The following PMPCB variants were observed in gnomAD, a reference collection of about 807,000 sequenced individuals.
The protein encoded by PMPCB is peptidase, mitochondrial processing subunit beta.
PMPCB carries 46 observed loss-of-function variants against 61.5 expected under a neutral mutation model. That is an observed-to-expected ratio of 0.75 (90% confidence interval 0.59 to 0.96). PMPCB has a LOEUF of 0.96. Among genes scored for constraint, PMPCB ranks in the 40% least tolerant of loss-of-function variants. The pLI is 0.00. For synonymous variants in PMPCB, 191 were observed against 201.6 expected (o/e 0.95, Z 0.44); for missense variants, 590 against 602.4 (o/e 0.98, Z 0.22).
downstream of PMPCB, chr7:103,319,511 T>A: frequency 9.1e-7 from 1 of 1,101,766 alleles, no homozygotes; most frequent in Admixed American, 2.1e-5. Context: ...AGAAATCAGA[T>A]ACTCCCTGCA....
chr7:103,306,013 T>A (rs1586044817), intron 6 of PMPCB, among the ~76,000 whole-genome samples: 1 of 152,208 alleles, frequency 6.6e-6, no homozygotes. Flanking sequence ...GTTTAATGGC[T>A]TATAGATTAA....
At chr7:103,304,613 G>A (rs939556198) in intron 6 of PMPCB, 123 bp downstream of exon 6, 14 of 709,226 alleles carry the variant, frequency 2.0e-5, no homozygotes, top group Non-Finnish European at 3.6e-5. Flanking sequence ...AACTGATAGT[G>A]TGTAAGGGGA....
intron 9 of PMPCB, 37 bp from the exon 10 acceptor site, chr7:103,311,606 C>G (rs934551082): frequency 1.3e-6 from 2 of 1,488,572 alleles, no homozygotes; most frequent in Non-Finnish European, 1.9e-6. Context: ...TGAAATACAA[C>G]ATTTTCCAAC....
In PMPCB at chr7:103,312,638, A is replaced by G. The variant is rs779657300; in HGVS notation, c.*367A>G. The G allele has an allele frequency of 6.2e-7, 1 of 1,613,180 alleles. No homozygotes were observed. The highest frequency in any genetic ancestry group is 1.1e-5 in the South Asian group (1 of 90,834). The stretch of plus-strand genomic sequence containing the variant: ...CTTTCTTTGCTTTTACCATCTCGAC[A>G]AGTTCCTAGGAAGGGAGAAAGGTGT... On this transcript the variant is annotated 3_prime_UTR_variant, in exon 13 of 13. Coordinates refer to ENST00000249269, the MANE Select transcript of PMPCB (RefSeq NM_004279.3).
chr7:103,305,904 T>G (rs2115668831), intron 6 of PMPCB, among the ~76,000 whole-genome samples: 1 of 152,332 alleles, frequency 6.6e-6, no homozygotes, highest in South Asian at 2.1e-4. Flanking sequence ...AACCAAGCTT[T>G]CTGGGACCTC....
downstream of PMPCB, chr7:103,317,077 C>G: frequency 7.0e-7 from 1 of 1,430,680 alleles, no homozygotes; most frequent in Non-Finnish European, 9.6e-7. Context: ...ACACTCTCTT[C>G]CTGGCTAGGG....
Position 103,309,079 on chromosome 7 carries a change from C to G in PMPCB, c.977C>G (p.Ser326Cys). The G allele has an allele frequency of 6.2e-7, 1 of 1,602,604 alleles. No individual in the cohort carries two copies. Among genetic ancestry groups the G allele is most frequent in the Non-Finnish European group, 8.5e-7 (1 of 1,174,558 alleles). Reference sequence around the variant, plus strand: ...ACGCTGATTGGCAACTGGGATCGCTCTTTTGGGGGAGGAATGGTAAGTGAT... The same window carrying G: ...ACGCTGATTGGCAACTGGGATCGCTGTTTTGGGGGAGGAATGGTAAGTGAT... ...ANTLIGNWDR[S>C]FGGGMNLSSK... Residue 326 changes from serine to cysteine, a missense_variant, in exon 8 of 13, where the codon TCT becomes TGT. By Grantham distance (112) the Ser-to-Cys change is moderately radical. Transcript: ENST00000249269.
intron 1 of PMPCB, chr7:103,297,900 T>G: frequency 7.4e-7 from 1 of 1,345,514 alleles, no homozygotes; most frequent in Non-Finnish European, 9.7e-7. Flanking sequence ...TATTTTTGCC[T>G]AAGACTGAAC....
At position 103,327,529 on chromosome 7, in the gene PMPCB, T is replaced by A. The variant is rs191990151; in HGVS notation, c.*1432-1402T>A. On this transcript the variant is annotated intron_variant and NMD_transcript_variant, in intron 12 of 12. Transcript: ENST00000444457. ...GGTGATGATTAGAAAGAACTTGATATAACTAAAATGTTTTAAAATGTCAAA... is the reference window on the plus strand; with the variant it reads ...GGTGATGATTAGAAAGAACTTGATAAAACTAAAATGTTTTAAAATGTCAAA... 1,665 of 733,868 alleles carry A rather than the reference T, an allele frequency of 2.3e-3. 22 individuals carry two copies. In the African/African-American group the frequency reaches 0.026, roughly 11 times the overall value. The allele number at this position is 733,868 out of a possible 1,614,324, so 45.5% of individuals were successfully genotyped here. A position where few individuals can be genotyped will look rare whatever the true frequency, so the allele number is the denominator to read the frequency against.
intron 6 of PMPCB, among the ~76,000 whole-genome samples, chr7:103,306,714 G>A (rs1401159025): frequency 6.6e-6 from 1 of 151,962 alleles, no homozygotes. Context: ...GCAGAGCATG[G>A]AGAATAAAGT....
At chr7:103,336,013 C>T in the PMPCB span, 1 of 152,140 alleles carries the variant, frequency 6.6e-6, no homozygotes, top group East Asian at 1.9e-4. Flanking sequence ...ATGAAAAATA[C>T]AAAATTAGCC....
Position 103,297,502 on chromosome 7 carries a change from C to T in PMPCB, c.43C>T (p.Arg15Trp), listed in dbSNP as rs756873407. 3.2e-6 allele frequency: 5 copies of T among 1,578,062 alleles called. No individual in the cohort carries two copies. In the African/African-American group the frequency reaches 4.1e-5, roughly 13 times the overall value. Residue 15 changes from arginine (R) to tryptophan (W), a missense_variant, in exon 1 of 13, where the codon CGG becomes TGG. Arg to Trp is a moderately radical substitution (Grantham distance 101). Transcript: ENST00000249269. The stretch of plus-strand genomic sequence containing the variant: ...TCGAGTGGTGTTGTCATCCGCGGCG[C>T]GGCGGCGGCTCTGGGGTTTCAGCGA... ...AARVVLSSAA[R>W]RRLWGFSESL... is the part of the protein sequence containing the mutation.
At chr7:103,337,689 G>T in the PMPCB span, 1 of 1,432,438 alleles carries the variant, frequency 7.0e-7, no homozygotes, top group Non-Finnish European at 9.8e-7. Flanking sequence ...TAGCCAGCCT[G>T]TTCCTATACA....
rs149685920 is a variant in PMPCB, at chr7:103,321,515, C to T, written c.*1432-7416C>T. ...ACCAGGTGACAGTGCGAGACTCCATCTCAAATAAATAAATAAATAAAAATA... is the reference window on the plus strand; with the variant it reads ...ACCAGGTGACAGTGCGAGACTCCATTTCAAATAAATAAATAAATAAAAATA... On this transcript the variant is annotated intron_variant and NMD_transcript_variant, in intron 12 of 12. Coordinates refer to the PMPCB transcript ENST00000444457. Among the ~76,000 whole-genome samples, 74 of 151,878 alleles carry T rather than the reference C, an allele frequency of 4.9e-4. 1 individual carries two copies. The highest frequency in any genetic ancestry group is 1.8e-3 in the African/African-American group (73 of 41,410).
chr7:103,327,922 C>A (rs1233324586), intron 12 of PMPCB, among the ~76,000 whole-genome samples: 7 of 152,028 alleles, frequency 4.6e-5, no homozygotes, highest in African/African-American at 1.7e-4. Context: ...TGATTTATTT[C>A]TTCTTATTAT....
chr7:103,328,837 G>A, intron 12 of PMPCB: 3 of 317,072 alleles, frequency 9.5e-6, no homozygotes, highest in Admixed American at 4.9e-5. Flanking sequence ...TTGGACATTT[G>A]TGCCATTTCC....
chr7:103,327,573 C>T, intron 12 of PMPCB: 1 of 872,362 alleles, frequency 1.1e-6, no homozygotes, highest in Non-Finnish European at 1.8e-6. Flanking sequence ...GAATGAACTA[C>T]AGTATGCATA....
downstream of PMPCB, among the ~76,000 whole-genome samples, chr7:103,334,014 G>T (rs575285207): frequency 4.0e-4 from 60 of 150,328 alleles, 1 homozygote; most frequent in African/African-American, 1.4e-3. Context: ...GCAGTGGCGT[G>T]ATCTCAGCTC....
At chr7:103,317,613 T>C (rs886972760), downstream of PMPCB, among the ~76,000 whole-genome samples, 1 of 152,206 alleles carries the variant, frequency 6.6e-6, no homozygotes, top group East Asian at 1.9e-4. Context: ...AAAAATTTTT[T>C]TGATTCCCAT....
Sources: gnomAD v4.1 joint callset for allele counts (sites outside exome capture counted in the v4.1 genomes callset) on GRCh38, gnomAD v4.1.1 for gene constraint, MANE v1.5 for transcripts, NCBI Gene and HGNC (gene_info 2026-07-23, HGNC 2026-07-21) for gene names.